The following TBL1XR1 variants were observed in gnomAD, a reference collection of about 807,000 sequenced individuals.
TBL1XR1 encodes the protein TBL1X/Y related 1.
Under a neutral mutation model 66.9 loss-of-function variants are expected in TBL1XR1, and 5 were observed. The ratio of observed to expected loss-of-function variants is 0.07; its 90% confidence interval spans 0.04 to 0.16. The LOEUF (loss-of-function observed/expected upper bound fraction) is 0.16. TBL1XR1 is among the 10% of genes least tolerant of loss of function. TBL1XR1 has a pLI of 1.00. For synonymous variants in TBL1XR1, 210 were observed against 206.0 expected (o/e 1.02, Z -0.17); for missense variants, 238 against 623.2 (o/e 0.38, Z 6.58).
chr3:177,184,287 C>A (rs1167147211), intron 1 of TBL1XR1, among the ~76,000 whole-genome samples: 2 of 152,156 alleles, frequency 1.3e-5, no homozygotes, highest in African/African-American at 4.8e-5. Flanking sequence ...ATGACAGGAT[C>A]GGTGCAGTAT....
At chr3:177,089,780 T>C (rs932531997) in intron 2 of TBL1XR1, among the ~76,000 whole-genome samples, 3 of 152,162 alleles carry the variant, frequency 2.0e-5, no homozygotes, top group African/African-American at 7.2e-5. Context: ...TTGGTAGACT[T>C]TTCTGGAAAA....
At chr3:177,099,836 C>T in intron 1 of TBL1XR1, among the ~76,000 whole-genome samples, 1 of 152,230 alleles carries the variant, frequency 6.6e-6, no homozygotes, top group Non-Finnish European at 1.5e-5. Flanking sequence ...TATAGGGCTA[C>T]TTGTTATCTA....
intron 2 of TBL1XR1, among the ~76,000 whole-genome samples, chr3:177,096,641 T>C (rs1222162243): frequency 6.6e-6 from 1 of 152,164 alleles, no homozygotes; most frequent in African/African-American, 2.4e-5. Flanking sequence ...AAATGTGAAC[T>C]TCATTTGAAC....
chr3:177,196,736 C>A (rs1736906831), intron 1 of TBL1XR1, among the ~76,000 whole-genome samples: 1 of 97,470 alleles, frequency 1.0e-5, no homozygotes, highest in Non-Finnish European at 2.3e-5. Context: ...CTGAAAGCCT[C>A]CCCCCCCAAA....
intron 3 of TBL1XR1, among the ~76,000 whole-genome samples, chr3:177,063,329 GTT>G (rs1718756896): frequency 6.6e-6 from 1 of 152,124 alleles, no homozygotes; most frequent in Non-Finnish European, 1.5e-5. Flanking sequence ...CTATTCAACT[GTT>G]TCTAACTTCC....
intron 1 of TBL1XR1, among the ~76,000 whole-genome samples, chr3:177,102,633 T>C (rs1222027995): frequency 6.6e-6 from 1 of 152,270 alleles, no homozygotes; most frequent in Non-Finnish European, 1.5e-5. Flanking sequence ...GTGTCCCGTC[T>C]ATCTGCATTT....
At chr3:177,171,133 G>T (rs1350758202) in intron 1 of TBL1XR1, among the ~76,000 whole-genome samples, 1 of 151,804 alleles carries the variant, frequency 6.6e-6, no homozygotes, top group African/African-American at 2.4e-5. Context: ...CTGAGGTCAG[G>T]TGTTTAAGAC....
intron 1 of TBL1XR1, among the ~76,000 whole-genome samples, chr3:177,153,096 C>T (rs369541226): frequency 6.6e-6 from 1 of 152,138 alleles, no homozygotes; most frequent in Admixed American, 6.6e-5. Context: ...AATTGCACCA[C>T]TGCACTCTAG....
chr3:177,092,896 C>CA (rs776089492), intron 2 of TBL1XR1, among the ~76,000 whole-genome samples: 50 of 152,068 alleles, frequency 3.3e-4, no homozygotes, highest in Non-Finnish European at 6.6e-4. Context: ...TGTCTACCAA[C>CA]AGATGAATGG....
intron 1 of TBL1XR1, among the ~76,000 whole-genome samples, chr3:177,177,154 A>G (rs1186681346): frequency 6.6e-6 from 1 of 152,172 alleles, no homozygotes; most frequent in Non-Finnish European, 1.5e-5. Context: ...ACTTAAGCCA[A>G]AAGTTTGCAT....
At chr3:177,192,543 T>G (rs1287662881) in intron 1 of TBL1XR1, among the ~76,000 whole-genome samples, 1 of 152,140 alleles carries the variant, frequency 6.6e-6, no homozygotes, top group Non-Finnish European at 1.5e-5. Context: ...TCATGTAAAT[T>G]ATTCATAGTA....
chr3:177,201,593 T>C (rs1288754130), upstream of TBL1XR1: 1 of 152,204 alleles, frequency 6.6e-6, no homozygotes, highest in East Asian at 1.9e-4. Context: ...TTACTATATA[T>C]ATTTTTAAAT....
At chr3:177,049,950 T>A (rs1237702326) in intron 7 of TBL1XR1, 47 bp downstream of exon 7, 1 of 1,595,716 alleles carries the variant, frequency 6.3e-7, no homozygotes, top group Non-Finnish European at 8.6e-7. Flanking sequence ...GCTCTGAGGG[T>A]TAGGTATACT....
At chr3:177,183,397 T>A (rs551730100) in intron 1 of TBL1XR1, among the ~76,000 whole-genome samples, 69 of 152,348 alleles carry the variant, frequency 4.5e-4, no homozygotes, top group African/African-American at 1.6e-3. Context: ...TTAGTGAGAA[T>A]CCATGTTAAC....
At chr3:177,078,953 G>GAA (rs1057402044) in intron 2 of TBL1XR1, among the ~76,000 whole-genome samples, 1 of 146,270 alleles carries the variant, frequency 6.8e-6, no homozygotes. Flanking sequence ...CGTCTCAAAA[G>GAA]AAAAAAAAAA....
chr3:177,032,241 T>A (rs1282866684), intron 14 of TBL1XR1: 2 of 152,222 alleles, frequency 1.3e-5, no homozygotes, highest in Non-Finnish European at 1.5e-5. Flanking sequence ...ATACAAGGTT[T>A]GAGGTTTTTT....
chr3:177,020,023 T>C lies in TBL1XR1; in HGVS notation c.*5475A>G, dbSNP rs900888560. On this transcript the variant is annotated 3_prime_UTR_variant, in exon 16 of 16. Coordinates refer to ENST00000457928, the MANE Select transcript of TBL1XR1 (RefSeq NM_024665.7). Reference sequence around the variant, plus strand: ...AAGAAAATATGCTCAATGATTCTTTTTAAAAAGTCTCTAACTCTAAAGGAG... The same window carrying C: ...AAGAAAATATGCTCAATGATTCTTTCTAAAAAGTCTCTAACTCTAAAGGAG... The C allele has an allele frequency of 6.6e-6, 1 of 151,970 alleles. No individual in the cohort carries two copies. Among genetic ancestry groups the C allele is most frequent in the Non-Finnish European group, 1.5e-5 (1 of 67,968 alleles). The allele number at this position is 151,970 out of a possible 1,614,324, so 9.4% of individuals were successfully genotyped here. A position where few individuals can be genotyped will look rare whatever the true frequency, so the allele number is the denominator to read the frequency against.
chr3:177,069,171 G>A (rs1560137610), intron 2 of TBL1XR1, among the ~76,000 whole-genome samples: 1 of 152,188 alleles, frequency 6.6e-6, no homozygotes, highest in East Asian at 1.9e-4. Context: ...ACGTGAGTCA[G>A]TATATGTCAC....
intron 1 of TBL1XR1, among the ~76,000 whole-genome samples, chr3:177,102,614 A>G (rs748788197): frequency 2.0e-5 from 3 of 152,248 alleles, no homozygotes; most frequent in African/African-American, 4.8e-5. Context: ...ATTCAAGTCC[A>G]AAACATGTGT....
Sources: gnomAD v4.1 joint callset for allele counts (sites outside exome capture counted in the v4.1 genomes callset) on GRCh38, gnomAD v4.1.1 for gene constraint, MANE v1.5 for transcripts, NCBI Gene and HGNC (gene_info 2026-07-23, HGNC 2026-07-21) for gene names.